ENKUR: variants seen among roughly 807,000 people sequenced by gnomAD.
ENKUR encodes the protein enkurin.
In ENKUR, 19 loss-of-function variants were observed where a neutral mutation model predicts 27.6. The observed-to-expected ratio is 0.69, with a 90% CI of 0.48 to 1.01. The LOEUF (loss-of-function observed/expected upper bound fraction) is 1.01. Among genes scored for constraint, ENKUR ranks in the 50% least tolerant of loss-of-function variants. ENKUR has a pLI of 0.00. For missense variants in ENKUR, 312 were observed against 310.5 expected (o/e 1.00, Z -0.04); for synonymous variants, 117 against 96.9 (o/e 1.21, Z -1.22).
intron 1 of ENKUR, among the ~76,000 whole-genome samples, chr10:25,061,760 C>T (rs1451496415): frequency 1.3e-5 from 2 of 152,188 alleles, no homozygotes; most frequent in African/African-American, 4.8e-5. Flanking sequence ...TTCCCACCTT[C>T]CCCAGACCTA....
At chr10:25,010,646 CAT>C (rs1850422156) in intron 1 of ENKUR, among the ~76,000 whole-genome samples, 1 of 149,850 alleles carries the variant, frequency 6.7e-6, no homozygotes, top group Non-Finnish European at 1.5e-5. Flanking sequence ...TTCCTGTGTC[CAT>C]GTGTTCTCAT....
chr10:25,030,207 C>T (rs1298828256), intron 2 of ENKUR, among the ~76,000 whole-genome samples: 1 of 152,108 alleles, frequency 6.6e-6, no homozygotes, highest in African/African-American at 2.4e-5. Context: ...CCAGTTTCTT[C>T]CTTTTACTTC....
chr10:24,999,579 T>C (rs751329304), intron 1 of ENKUR, 33 bp from the exon 2 acceptor site: 2 of 1,542,910 alleles, frequency 1.3e-6, no homozygotes, highest in Non-Finnish European at 1.8e-6. Flanking sequence ...GTAGCATTTA[T>C]ACTTCTAGTA....
At chr10:25,029,598 A>T (rs1326259568) in intron 2 of ENKUR, among the ~76,000 whole-genome samples, 7 of 152,208 alleles carry the variant, frequency 4.6e-5, no homozygotes, top group African/African-American at 1.7e-4. Flanking sequence ...TGGAAACATA[A>T]TACTGTTTTT....
chr10:25,005,768 C>T (rs940976499), intron 1 of ENKUR, among the ~76,000 whole-genome samples: 2 of 152,242 alleles, frequency 1.3e-5, no homozygotes, highest in Non-Finnish European at 2.9e-5. Context: ...TGTCATAGCT[C>T]TGATCTGCAC....
At chr10:25,023,697 A>C (rs754267302) in intron 2 of ENKUR, 2 of 1,614,016 alleles carry the variant, frequency 1.2e-6, no homozygotes, top group East Asian at 4.5e-5. Flanking sequence ...ATGTACCTCT[A>C]CTAGATCTAA....
intron 2 of ENKUR, chr10:25,025,239 A>G (rs772976314): frequency 1.2e-6 from 2 of 1,614,210 alleles, no homozygotes; most frequent in Non-Finnish European, 1.7e-6. Flanking sequence ...CAAAGTTTGC[A>G]CCTGCTATCA....
intron 2 of ENKUR, among the ~76,000 whole-genome samples, chr10:25,035,557 A>AG (rs199836122): frequency 1.5e-5 from 2 of 136,210 alleles, no homozygotes; most frequent in Admixed American, 7.5e-5. Flanking sequence ...CTCTGTCTCA[A>AG]GGAAAAAAAA....
At chr10:25,041,287 G>A (rs1851061547) in intron 2 of ENKUR, among the ~76,000 whole-genome samples, 1 of 152,042 alleles carries the variant, frequency 6.6e-6, no homozygotes, top group South Asian at 2.1e-4. Context: ...TATGTCCTGT[G>A]TCTTTTTTTC....
intron 1 of ENKUR, among the ~76,000 whole-genome samples, chr10:25,004,098 A>G (rs1189151621): frequency 6.6e-6 from 1 of 152,236 alleles, no homozygotes; most frequent in Admixed American, 6.5e-5. Context: ...CCTGCAAAGA[A>G]TACGATCTCA....
chr10:25,010,678 A>T (rs1746296437), intron 1 of ENKUR, among the ~76,000 whole-genome samples: 2 of 143,140 alleles, frequency 1.4e-5, no homozygotes, highest in African/African-American at 5.0e-5. Context: ...CCCATCTATG[A>T]GTGAGAACAT....
intron 2 of ENKUR, among the ~76,000 whole-genome samples, chr10:25,054,752 G>A (rs1452412839): frequency 6.7e-6 from 1 of 150,280 alleles, no homozygotes; most frequent in Non-Finnish European, 1.5e-5. Flanking sequence ...GTGCAATCAT[G>A]GCTCACTGCA....
intron 2 of ENKUR, among the ~76,000 whole-genome samples, chr10:25,022,820 A>G (rs971679693): frequency 2.0e-5 from 3 of 152,178 alleles, no homozygotes; most frequent in Admixed American, 2.0e-4. Flanking sequence ...TTTCATTAAA[A>G]GATCTCAATA....
intron 2 of ENKUR, among the ~76,000 whole-genome samples, chr10:24,997,753 C>A (rs185410123): frequency 5.3e-5 from 8 of 151,278 alleles, no homozygotes; most frequent in African/African-American, 2.4e-5. Context: ...TTTTGCCTTA[C>A]AATGTTTACA....
chr10:25,019,711 A>G (rs1285131357), upstream of ENKUR, among the ~76,000 whole-genome samples: 1 of 152,228 alleles, frequency 6.6e-6, no homozygotes, highest in Non-Finnish European at 1.5e-5. Context: ...ATTAACTGCT[A>G]ATTATCCAAT....
upstream of ENKUR, among the ~76,000 whole-genome samples, chr10:25,018,840 G>T (rs557532212): frequency 2.0e-5 from 3 of 152,208 alleles, no homozygotes; most frequent in African/African-American, 7.2e-5. Context: ...ATTCGAGATC[G>T]TTAAGAATAT....
upstream of ENKUR, chr10:25,016,247 G>A: frequency 1.0e-6 from 1 of 990,246 alleles, no homozygotes; most frequent in Non-Finnish European, 1.2e-6. Context: ...TTTCTGCAGC[G>A]CCTTCTGCTA....
At chr10:25,020,274 C>CTATATA (rs370068893), upstream of ENKUR, among the ~76,000 whole-genome samples, 3 of 97,368 alleles carry the variant, frequency 3.1e-5, no homozygotes, top group Non-Finnish European at 4.9e-5. Flanking sequence ...ATATCTATAT[C>CTATATA]TATATATATC....
At chr10:25,027,906 G>A (rs1190710584) in intron 2 of ENKUR, among the ~76,000 whole-genome samples, 8 of 152,090 alleles carry the variant, frequency 5.3e-5, no homozygotes, top group Non-Finnish European at 1.0e-4. Flanking sequence ...TGTAGTTAAC[G>A]AGACAACGCA....
Sources: gnomAD v4.1 joint callset for allele counts (sites outside exome capture counted in the v4.1 genomes callset) on GRCh38, gnomAD v4.1.1 for gene constraint, MANE v1.5 for transcripts, NCBI Gene and HGNC (gene_info 2026-07-23, HGNC 2026-07-21) for gene names.